The following CDH13 variants were observed in gnomAD, a reference collection of about 807,000 sequenced individuals.
CDH13 encodes the protein cadherin-13.
In CDH13, 24 loss-of-function variants were observed where a neutral mutation model predicts 63.8. The observed-to-expected ratio is 0.38, with a 90% CI of 0.27 to 0.53. The LOEUF is 0.53. Among genes scored for constraint, CDH13 ranks in the 20% least tolerant of loss-of-function variants. The pLI is 0.85. For synonymous variants in CDH13, 503 were observed against 355.3 expected (o/e 1.42, Z -4.67); for missense variants, 1,049 against 903.1 (o/e 1.16, Z -2.07).
chr16:83,375,655 C>G (rs2091447020), intron 6 of CDH13, among the ~76,000 whole-genome samples: 1 of 152,108 alleles, frequency 6.6e-6, no homozygotes, highest in African/African-American at 2.4e-5. Flanking sequence ...GCAAAGTAAG[C>G]TGATGGGGTG....
chr16:82,763,916 A>G (rs2034950045), intron 1 of CDH13, among the ~76,000 whole-genome samples: 1 of 152,142 alleles, frequency 6.6e-6, no homozygotes, highest in Non-Finnish European at 1.5e-5. Context: ...CAAGCAATCC[A>G]TCTTCCTTGG....
At chr16:83,460,316 C>T (rs552468152) in intron 6 of CDH13, among the ~76,000 whole-genome samples, 2 of 152,204 alleles carry the variant, frequency 1.3e-5, no homozygotes, top group Non-Finnish European at 2.9e-5. Flanking sequence ...TGTACAACAA[C>T]TTTGAAGAAC....
At chr16:83,707,543 CCATT>C (rs1567534907) in intron 10 of CDH13, among the ~76,000 whole-genome samples, 1 of 152,058 alleles carries the variant, frequency 6.6e-6, no homozygotes, top group African/African-American at 2.4e-5. Context: ...TATATTTTTA[CCATT>C]CACTTTAAAA....
intron 9 of CDH13, among the ~76,000 whole-genome samples, chr16:83,672,760 T>C (rs1381380758): frequency 6.6e-6 from 1 of 152,176 alleles, no homozygotes; most frequent in Non-Finnish European, 1.5e-5. Flanking sequence ...TTCCTTGAGC[T>C]GTAGCAAACA....
At chr16:83,515,240 C>G (rs888074697) in intron 7 of CDH13, among the ~76,000 whole-genome samples, 2 of 152,134 alleles carry the variant, frequency 1.3e-5, no homozygotes, top group East Asian at 1.9e-4. Context: ...TAAGGTCTCT[C>G]CAAACCAACC....
At chr16:83,666,036 T>C (rs575092466) in intron 8 of CDH13, among the ~76,000 whole-genome samples, 2 of 152,352 alleles carry the variant, frequency 1.3e-5, no homozygotes, top group East Asian at 1.9e-4. Flanking sequence ...ACAGTGATTG[T>C]GTAAAAATAC....
At chr16:82,669,441 A>G (rs1912981232) in intron 1 of CDH13, among the ~76,000 whole-genome samples, 1 of 152,206 alleles carries the variant, frequency 6.6e-6, no homozygotes, top group African/African-American at 2.4e-5. Context: ...GGACTTACCC[A>G]TTGAGCCTTT....
chr16:83,537,341 GC>G (rs1371742547), intron 7 of CDH13, among the ~76,000 whole-genome samples: 1 of 152,164 alleles, frequency 6.6e-6, no homozygotes, highest in African/African-American at 2.4e-5. Flanking sequence ...TCTTTCCATG[GC>G]AATCCCTGTG....
intron 9 of CDH13, among the ~76,000 whole-genome samples, chr16:83,672,216 A>G (rs772292743): frequency 6.6e-6 from 1 of 152,046 alleles, no homozygotes; most frequent in Non-Finnish European, 1.5e-5. Context: ...TTGAGTTGTT[A>G]TAATGAAGTA....
intron 2 of CDH13, among the ~76,000 whole-genome samples, chr16:83,028,062 G>A (rs933670358): frequency 7.9e-5 from 12 of 152,230 alleles, no homozygotes; most frequent in African/African-American, 2.6e-4. Flanking sequence ...ACTTTCATAT[G>A]CCTTTTCCTC....
At chr16:83,020,003 A>G (rs1915197784) in intron 2 of CDH13, among the ~76,000 whole-genome samples, 1 of 152,090 alleles carries the variant, frequency 6.6e-6, no homozygotes. Context: ...ATCACCACAA[A>G]CACATGAGTA....
At chr16:82,929,608 C>T (rs938298084) in intron 2 of CDH13, among the ~76,000 whole-genome samples, 23 of 136,248 alleles carry the variant, frequency 1.7e-4, no homozygotes, top group Middle Eastern at 4.1e-3. Context: ...GCAAACGTCA[C>T]GCCACTGCAC....
intron 7 of CDH13, among the ~76,000 whole-genome samples, chr16:83,587,654 A>C (rs1037633612): frequency 6.6e-6 from 1 of 152,236 alleles, no homozygotes; most frequent in Non-Finnish European, 1.5e-5. Context: ...GAAACCTGGT[A>C]AGATTCATTT....
At chr16:83,185,198 C>A (rs375858403) in intron 4 of CDH13, among the ~76,000 whole-genome samples, 1 of 152,082 alleles carries the variant, frequency 6.6e-6, no homozygotes, top group Non-Finnish European at 1.5e-5. Flanking sequence ...AGTCTGTGCT[C>A]TTTGCTGGTC....
intron 3 of CDH13, among the ~76,000 whole-genome samples, chr16:83,107,077 G>T (rs75618874): frequency 0.028 from 4,281 of 152,264 alleles, 79 homozygotes; most frequent in East Asian, 0.043. Context: ...AACCAAAGCA[G>T]TTGGGTAGGT....
chr16:83,065,350 A>G (rs943412317), intron 3 of CDH13, among the ~76,000 whole-genome samples: 5 of 152,162 alleles, frequency 3.3e-5, no homozygotes, highest in African/African-American at 1.2e-4. Flanking sequence ...TGGTACAAAG[A>G]TGGGTAAGAT....
chr16:83,654,718 A>C (rs1912704504), intron 8 of CDH13: 1 of 152,170 alleles, frequency 6.6e-6, no homozygotes, highest in Non-Finnish European at 1.5e-5. Context: ...AATATACTCA[A>C]AATAGTTTCC....
chr16:83,372,371 G>C (rs2151401169), intron 6 of CDH13, among the ~76,000 whole-genome samples: 1 of 152,080 alleles, frequency 6.6e-6, no homozygotes, highest in East Asian at 1.9e-4. Context: ...CATGGTACTT[G>C]GCATAAGGAC....
chr16:83,305,378 C>G (rs1473796547), intron 5 of CDH13, among the ~76,000 whole-genome samples: 1 of 152,214 alleles, frequency 6.6e-6, no homozygotes, highest in Non-Finnish European at 1.5e-5. Flanking sequence ...AAGCATCCTG[C>G]TTGGGCATTT....
Sources: gnomAD v4.1 joint callset for allele counts (sites outside exome capture counted in the v4.1 genomes callset) on GRCh38, gnomAD v4.1.1 for gene constraint, MANE v1.5 for transcripts, NCBI Gene and HGNC (gene_info 2026-07-23, HGNC 2026-07-21) for gene names.